Variants in IL1RL1 observed in about 807,000 individuals in gnomAD.
IL1RL1 encodes interleukin-1 receptor-like 1.
Under a neutral mutation model 50.9 loss-of-function variants are expected in IL1RL1, and 32 were observed. The ratio of observed to expected loss-of-function variants is 0.63; its 90% CI spans 0.47 to 0.84. The LOEUF (loss-of-function observed/expected upper bound fraction) is 0.84. Among genes scored for constraint, IL1RL1 ranks in the 40% least tolerant of loss-of-function variants. IL1RL1 has a pLI of 0.00. For missense variants in IL1RL1, 773 were observed against 662.9 expected, an observed-to-expected ratio of 1.17 and a Z score of -1.82; for synonymous variants, 275 against 236.0, an observed-to-expected ratio of 1.17 and a Z score of -1.51.
intron 3 of IL1RL1, 161 bp downstream of exon 3, chr2:102,339,208 A>G (rs1208128409): frequency 5.0e-6 from 3 of 604,244 alleles, no homozygotes; most frequent in African/African-American, 1.9e-5. Context: ...ACTTCTAGGA[A>G]TACTATCAGG....
chr2:102,311,899 ATATATGTTATATATTTTAT>A (rs1676493066), intron 1 of IL1RL1, among the ~76,000 whole-genome samples: 1 of 16,822 alleles, frequency 5.9e-5, no homozygotes, highest in South Asian at 9.5e-4. Flanking sequence ...ATAATATATC[ATATATGTTATATATTTTAT>A]TATATAATAT....
At chr2:102,348,229 G>T in intron 9 of IL1RL1, 138 bp downstream of exon 9, 1 of 674,312 alleles carries the variant, frequency 1.5e-6, no homozygotes, top group Non-Finnish European at 2.5e-6. Context: ...TCAGTGAGTT[G>T]TGTTTTTGGA....
downstream of IL1RL1, chr2:102,352,133 C>A: frequency 2.0e-6 from 1 of 502,738 alleles, no homozygotes; most frequent in Non-Finnish European, 3.5e-6. Context: ...CATCCTCCAG[C>A]CACCATTTTC....
chr2:102,336,949 C>T (rs1337681183), intron 1 of IL1RL1, among the ~76,000 whole-genome samples: 1 of 152,142 alleles, frequency 6.6e-6, no homozygotes, highest in African/African-American at 2.4e-5. Context: ...GGAAAGGCAG[C>T]CTCCAGGTCC....
rs964924966 is a variant in IL1RL1 at position 102,345,170 on chromosome 2, C to T, written c.970+1755C>T. On this transcript the variant is annotated intron_variant, in intron 8 of 10. Coordinates refer to ENST00000233954, the MANE Select transcript of IL1RL1 (RefSeq NM_016232.5). ...CATTGTGCTTTTTATCATCACTATG[C>T]CCAGACAATGTGAAACATCAGAGAT... 8 of 932,844 alleles carry T rather than the reference C, an allele frequency of 8.6e-6. No homozygotes were observed. In the East Asian group the frequency reaches 8.2e-4, roughly 95 times the overall value. The allele number at this position is 932,844 out of a possible 1,614,324, so 57.8% of individuals were successfully genotyped here.
chr2:102,340,414 A>T, intron 4 of IL1RL1, 142 bp downstream of exon 4: 3 of 735,544 alleles, frequency 4.1e-6, no homozygotes, highest in Non-Finnish European at 6.5e-6. Flanking sequence ...GGAGTTTGAG[A>T]CCAGCCTGGC....
chr2:102,328,507 G>A (rs1400686675), intron 1 of IL1RL1, among the ~76,000 whole-genome samples: 1 of 152,146 alleles, frequency 6.6e-6, no homozygotes, highest in Non-Finnish European at 1.5e-5. Context: ...TCTGGCCAGG[G>A]CAATCAGGCA....
intron 1 of IL1RL1, among the ~76,000 whole-genome samples, chr2:102,311,952 AAT>A (rs1433715644): frequency 7.3e-5 from 3 of 41,338 alleles, no homozygotes; most frequent in South Asian, 5.0e-4. Context: ...TATTATATAT[AAT>A]ATATATTATA....
chr2:102,326,933 T>C (rs1677019721), intron 1 of IL1RL1, among the ~76,000 whole-genome samples: 1 of 152,076 alleles, frequency 6.6e-6, no homozygotes, highest in South Asian at 2.1e-4. Context: ...CTGGAAACAT[T>C]AGACAGATCA....
At chr2:102,327,390 C>T (rs1677042314) in intron 1 of IL1RL1, among the ~76,000 whole-genome samples, 1 of 150,956 alleles carries the variant, frequency 6.6e-6, no homozygotes, top group Admixed American at 6.6e-5. Context: ...TAAAAGCCCA[C>T]AAGAGAAAGC....
chr2:102,345,585 G>A (rs1194162951), intron 8 of IL1RL1: 1 of 985,350 alleles, frequency 1.0e-6, no homozygotes, highest in African/African-American at 1.7e-5. Flanking sequence ...ATAGGGGTGT[G>A]GGGACAGCGG....
intron 1 of IL1RL1, among the ~76,000 whole-genome samples, chr2:102,316,422 C>A (rs1676674890): frequency 6.6e-6 from 1 of 152,080 alleles, no homozygotes; most frequent in South Asian, 2.1e-4. Context: ...CTGAGGAAAT[C>A]TAGAATGACA....
intron 1 of IL1RL1, among the ~76,000 whole-genome samples, chr2:102,337,785 C>A (rs928107057): frequency 1.3e-5 from 2 of 151,928 alleles, no homozygotes; most frequent in Non-Finnish European, 2.9e-5. Context: ...TTTCTAAAGT[C>A]TACTGAATTT....
intron 1 of IL1RL1, among the ~76,000 whole-genome samples, chr2:102,324,011 TTC>T (rs1676917375): frequency 8.1e-6 from 1 of 124,128 alleles, no homozygotes; most frequent in Non-Finnish European, 1.8e-5. Flanking sequence ...TCATCAGTAG[TTC>T]TTTTTTTTTT....
intron 5 of IL1RL1, chr2:102,341,445 C>T (rs561350851): frequency 3.1e-6 from 2 of 645,928 alleles, no homozygotes; most frequent in South Asian, 3.3e-5. Flanking sequence ...ACAATCATAG[C>T]TTATCAATCT....
intron 8 of IL1RL1, chr2:102,344,935 G>A: frequency 1.0e-6 from 1 of 966,144 alleles, no homozygotes; most frequent in Non-Finnish European, 1.2e-6. Flanking sequence ...CACAATAAAA[G>A]GACAACATGA....
chr2:102,324,978 C>G (rs2104967953), intron 1 of IL1RL1, among the ~76,000 whole-genome samples: 1 of 152,320 alleles, frequency 6.6e-6, no homozygotes. Context: ...TTAAATGAAC[C>G]TGTCTGACAG....
At position 102,351,566 on chromosome 2, in the gene IL1RL1, G is replaced by T. The variant is rs150294315; in HGVS notation, c.1316G>T (p.Arg439Leu). ...GTCACTGCAGTGGAAACCAACATAC[G>T]AAAGAGCAGGCGGCACATTTTCATC... ...DVVTAVETNI[R>L]KSRRHIFILT... The change falls in exon 11 of 11, where the codon CGA (arginine) becomes CTA (leucine). Residue 439 changes from arginine to leucine, a missense_variant. Transcript: ENST00000233954. The T allele has an allele frequency of 6.2e-6, 10 of 1,614,018 alleles. No individual in the cohort carries two copies. In the East Asian group the frequency reaches 2.2e-4, roughly 36 times the overall value.
chr2:102,325,140 C>A (rs1005596721), intron 1 of IL1RL1, among the ~76,000 whole-genome samples: 1 of 152,136 alleles, frequency 6.6e-6, no homozygotes, highest in Non-Finnish European at 1.5e-5. Context: ...GCTGGGTACT[C>A]CTCTGAGACA....
Sources: allele counts gnomAD v4.1 joint callset (sites outside exome capture counted in the v4.1 genomes callset), GRCh38; gene constraint gnomAD v4.1.1; transcripts MANE v1.5; gene names NCBI Gene and HGNC (gene_info 2026-07-23, HGNC 2026-07-21).